LOC400499: variants seen among roughly 807,000 people sequenced by gnomAD.
At chr16:11,389,987 G>A in the LOC400499 span, 3 of 562,454 alleles carry the variant, frequency 5.3e-6, no homozygotes, top group South Asian at 2.9e-4. Context: ...GAGGAGAGAA[G>A]AAGCCCCTGG....
chr16:11,449,613 C>T, the LOC400499 span, among the ~76,000 whole-genome samples: 1 of 152,220 alleles, frequency 6.6e-6, no homozygotes, highest in South Asian at 2.1e-4. Context: ...TCACACAACT[C>T]AGGGGTCTCA....
At chr16:11,402,077 T>G in the LOC400499 span, 1 of 399,140 alleles carries the variant, frequency 2.5e-6, no homozygotes, top group Non-Finnish European at 4.4e-6. Flanking sequence ...GCCATCCCGG[T>G]GGCTGCCTCC....
chr16:11,416,552 T>G, the LOC400499 span, among the ~76,000 whole-genome samples: 4 of 152,152 alleles, frequency 2.6e-5, no homozygotes, highest in Admixed American at 6.5e-5. Flanking sequence ...ACAAAAGTCA[T>G]CCCTGCCCTC....
the LOC400499 span, among the ~76,000 whole-genome samples, chr16:11,422,589 C>T: frequency 6.6e-6 from 1 of 152,174 alleles, no homozygotes; most frequent in East Asian, 1.9e-4. Context: ...TTTTATGAGG[C>T]AGGAACTGCT....
the LOC400499 span, chr16:11,412,944 G>A: frequency 2.5e-6 from 1 of 399,206 alleles, no homozygotes. Context: ...CAGAGTCCTT[G>A]GAACACGAGC....
chr16:11,374,779 C>A, the LOC400499 span, among the ~76,000 whole-genome samples: 1 of 152,104 alleles, frequency 6.6e-6, no homozygotes, highest in African/African-American at 2.4e-5. Context: ...CTATGAACAT[C>A]GGTGTATAAA....
At chr16:11,391,862 C>G in the LOC400499 span, 2,661 of 1,222,848 alleles carry the variant, frequency 2.2e-3, 87 homozygotes, top group East Asian at 0.057. Flanking sequence ...CCGGCTGCAC[C>G]TGGACAGGGA....
chr16:11,455,972 C>G, the LOC400499 span, among the ~76,000 whole-genome samples: 2 of 151,522 alleles, frequency 1.3e-5, no homozygotes, highest in African/African-American at 4.9e-5. Flanking sequence ...CAGCCGAATT[C>G]ACTTTTAAAC....
At chr16:11,472,462 T>G in the LOC400499 span, 1 of 152,188 alleles carries the variant, frequency 6.6e-6, no homozygotes, top group African/African-American at 2.4e-5. Context: ...CAAAGCGCTG[T>G]GATTACAGGC....
chr16:11,454,829 T>C, the LOC400499 span, among the ~76,000 whole-genome samples: 1 of 152,104 alleles, frequency 6.6e-6, no homozygotes, highest in Admixed American at 6.6e-5. Context: ...CCAAGAGATA[T>C]GACACAGGTT....
At chr16:11,474,116 C>T in the LOC400499 span, among the ~76,000 whole-genome samples, 1 of 152,222 alleles carries the variant, frequency 6.6e-6, no homozygotes, top group African/African-American at 2.4e-5. Flanking sequence ...ACCTCGGCCT[C>T]CCGAAGTGTG....
At chr16:11,386,830 C>G in the LOC400499 span, among the ~76,000 whole-genome samples, 752 of 152,364 alleles carry the variant, frequency 4.9e-3, 4 homozygotes, top group African/African-American at 0.017. Context: ...CAGTTCTCTT[C>G]CAGCTGGATC....
the LOC400499 span, among the ~76,000 whole-genome samples, chr16:11,438,772 G>C: frequency 1.3e-5 from 2 of 151,956 alleles, no homozygotes; most frequent in Non-Finnish European, 2.9e-5. Flanking sequence ...CCAGCTAACA[G>C]AGTGAGATCC....
At chr16:11,377,657 CTT>C in the LOC400499 span, among the ~76,000 whole-genome samples, 1 of 152,192 alleles carries the variant, frequency 6.6e-6, no homozygotes. Context: ...ATAAATCTCA[CTT>C]GATCATGGTG....
At chr16:11,490,070 G>C in the LOC400499 span, among the ~76,000 whole-genome samples, 2 of 152,158 alleles carry the variant, frequency 1.3e-5, no homozygotes, top group African/African-American at 4.8e-5. Flanking sequence ...CTATAGATGA[G>C]AGACAAGCTC....
chr16:11,423,923 A>G, the LOC400499 span, among the ~76,000 whole-genome samples: 233 of 152,092 alleles, frequency 1.5e-3, 2 homozygotes, highest in South Asian at 3.7e-3. Context: ...CAGCCCCAGC[A>G]CCAGCCCCTG....
At chr16:11,445,895 G>A in the LOC400499 span, among the ~76,000 whole-genome samples, 56 of 150,820 alleles carry the variant, frequency 3.7e-4, no homozygotes, top group South Asian at 6.3e-4. Flanking sequence ...ATGCAGTGGC[G>A]TGATCTCAGC....
the LOC400499 span, chr16:11,456,720 G>A: frequency 3.9e-6 from 4 of 1,036,952 alleles, no homozygotes; most frequent in East Asian, 7.8e-5. Context: ...GAGCCACTGT[G>A]CCTGGCCCAG....
At chr16:11,374,912 G>A in the LOC400499 span, among the ~76,000 whole-genome samples, 3 of 152,070 alleles carry the variant, frequency 2.0e-5, no homozygotes, top group Non-Finnish European at 2.9e-5. Context: ...GCGGTGGTGC[G>A]ATCTTAGCTC....
Sources: gnomAD v4.1 joint callset for allele counts (sites outside exome capture counted in the v4.1 genomes callset) on GRCh38, gnomAD v4.1.1 for gene constraint, MANE v1.5 for transcripts.